RPS6KA5: variants seen among roughly 807,000 people sequenced by gnomAD.
RPS6KA5 encodes ribosomal protein S6 kinase alpha-5.
A neutral mutation model predicts 85.5 loss-of-function variants in RPS6KA5; 27 were observed. The ratio of observed to expected loss-of-function variants is 0.32; its 90% CI spans 0.23 to 0.44. The LOEUF is 0.44. Ranked by LOEUF, RPS6KA5 falls within the 20% of genes least tolerant of loss-of-function variation. The pLI is 1.00. For synonymous variants in RPS6KA5, 334 were observed against 348.2 expected (o/e 0.96, Z 0.46); for missense variants, 811 against 980.9 (o/e 0.83, Z 2.31).
At chr14:90,949,986 TG>T (rs1237943496) in intron 3 of RPS6KA5, among the ~76,000 whole-genome samples, 1 of 152,212 alleles carries the variant, frequency 6.6e-6, no homozygotes, top group African/African-American at 2.4e-5. Flanking sequence ...TTGTATACTT[TG>T]TAAGTTGTAC....
chr14:91,004,900 G>A (rs962113102), intron 1 of RPS6KA5, among the ~76,000 whole-genome samples: 4 of 151,942 alleles, frequency 2.6e-5, no homozygotes, highest in South Asian at 2.1e-4. Flanking sequence ...CCCGGGAGGC[G>A]GAGCTTGCAG....
intron 1 of RPS6KA5, among the ~76,000 whole-genome samples, chr14:91,043,168 C>T (rs752207476): frequency 1.3e-5 from 2 of 152,146 alleles, no homozygotes; most frequent in African/African-American, 4.8e-5. Flanking sequence ...AGGTTTTCTC[C>T]TGGTTTTTCT....
chr14:90,994,215 T>C (rs1191695147), intron 2 of RPS6KA5, among the ~76,000 whole-genome samples: 1 of 152,110 alleles, frequency 6.6e-6, no homozygotes, highest in East Asian at 1.9e-4. Flanking sequence ...TGCTATCTCT[T>C]TTTTCTCCAT....
In RPS6KA5 at chr14:90,872,073, C is replaced by A; in HGVS notation, c.*1G>T. 6.2e-7 allele frequency: 1 copy of A among 1,610,986 alleles called. No homozygotes were observed. Among genetic ancestry groups the A allele is most frequent in the Non-Finnish European group, 8.5e-7 (1 of 1,178,650 alleles). On this transcript the variant is annotated 3_prime_UTR_variant, in exon 17 of 17. Coordinates refer to ENST00000614987, the MANE Select transcript of RPS6KA5 (RefSeq NM_004755.4). ...GGATCACTGATACACTCCTACCATG[C>A]CTAAGCTACTGAGTCCGAGAACTGG...
intron 5 of RPS6KA5, among the ~76,000 whole-genome samples, chr14:90,938,346 T>C (rs2037390024): frequency 6.6e-6 from 1 of 152,150 alleles, no homozygotes; most frequent in Non-Finnish European, 1.5e-5. Context: ...CAGACTGGTG[T>C]TGAGTGTCTG....
chr14:90,854,168 A>C lies in RPS6KA5; in HGVS notation c.*17906T>G, dbSNP rs1399638964. 8.0e-6 allele frequency: 1 copy of C among 125,156 alleles called. No individual in the cohort carries two copies. The highest frequency in any genetic ancestry group is 4.9e-5 in the African/African-American group (1 of 20,450). The allele number at this position is 125,156 out of a possible 1,614,324, so 7.8% of individuals were successfully genotyped here. ...CTATTGATGCAAACTAATTTTAAGT[A>C]ATTATAGTGCAAGGAGCCTGATGTA... On this transcript the variant is annotated 3_prime_UTR_variant, in exon 17 of 17. Coordinates refer to ENST00000614987, the MANE Select transcript of RPS6KA5 (RefSeq NM_004755.4).
In RPS6KA5 at chr14:90,862,610, G is replaced by A. The variant is rs1355828019; in HGVS notation, c.*9464C>T. On this transcript the variant is annotated 3_prime_UTR_variant, in exon 17 of 17. Coordinates refer to ENST00000614987, the MANE Select transcript of RPS6KA5 (RefSeq NM_004755.4). ...AGCCTCCCAGGTATTTGGTACTACA[G>A]GTGTGCACCACCATCCTTGGCTAAT... The A allele has an allele frequency of 6.6e-6, 1 of 152,120 alleles. No individual in the cohort carries two copies. Among genetic ancestry groups the A allele is most frequent in the African/African-American group, 2.4e-5 (1 of 41,384 alleles). The allele number at this position is 152,120 out of a possible 1,614,324, so 9.4% of individuals were successfully genotyped here.
At position 90,915,474 on chromosome 14, in the gene RPS6KA5, G is replaced by A. The variant is rs149533500; in HGVS notation, c.806+4732C>T. 6.7e-4 allele frequency among the ~76,000 whole-genome samples: 102 copies of A among 152,250 alleles called. No individual in the cohort carries two copies. In the East Asian group the frequency reaches 0.013, roughly 19 times the overall value. On this transcript the variant is annotated intron_variant, in intron 7 of 16. Coordinates refer to ENST00000614987, the MANE Select transcript of RPS6KA5 (RefSeq NM_004755.4). ...GCCCACATTGCAAGGAACTGAGAGTGGCCATTGGCGTAAAAGATGTTCTAT... is the reference window on the plus strand; with the variant it reads ...GCCCACATTGCAAGGAACTGAGAGTAGCCATTGGCGTAAAAGATGTTCTAT...
chr14:90,940,909 G>A (rs146612426), intron 5 of RPS6KA5, among the ~76,000 whole-genome samples: 34 of 152,304 alleles, frequency 2.2e-4, no homozygotes, highest in African/African-American at 7.7e-4. Context: ...AATGTAATGT[G>A]CTTGAATCAT....
chr14:91,044,612 G>A (rs1037750450), intron 1 of RPS6KA5, among the ~76,000 whole-genome samples: 6 of 152,036 alleles, frequency 3.9e-5, no homozygotes, highest in Admixed American at 2.0e-4. Flanking sequence ...GGTGGCTCAC[G>A]CCTGTAATTC....
intron 1 of RPS6KA5, among the ~76,000 whole-genome samples, chr14:91,027,271 G>A (rs2042021271): frequency 6.6e-6 from 1 of 152,242 alleles, no homozygotes; most frequent in African/African-American, 2.4e-5. Flanking sequence ...TCCATCTTGA[G>A]TTAACTTTTA....
chr14:90,900,854 G>T, intron 9 of RPS6KA5, 118 bp from the exon 10 acceptor site: 1 of 781,148 alleles, frequency 1.3e-6, no homozygotes, highest in Non-Finnish European at 1.9e-6. Context: ...GTTGAGATGA[G>T]TCTAATTTTA....
chr14:90,906,832 G>C (rs1472097687), intron 7 of RPS6KA5, among the ~76,000 whole-genome samples: 1 of 152,030 alleles, frequency 6.6e-6, no homozygotes, highest in East Asian at 1.9e-4. Flanking sequence ...ACTTGGAGAT[G>C]GTTCAACCCT....
Position 90,902,790 on chromosome 14 carries a change from CA to C in RPS6KA5, c.1119+17del, listed in dbSNP as rs753631145. The C allele has an allele frequency of 9.3e-6, 15 of 1,611,494 alleles. No homozygotes were observed. In the East Asian group the frequency reaches 3.3e-4, roughly 36 times the overall value. On this transcript the variant is annotated intron_variant, in intron 9 of 16. Coordinates refer to ENST00000614987, the MANE Select transcript of RPS6KA5 (RefSeq NM_004755.4). ...AGGACATATGGCCAATGTGCATGTG[CA>C]CAGGATGGGAAATTACCTGAAACAG...
At chr14:90,975,515 G>A (rs112000461) in intron 3 of RPS6KA5, among the ~76,000 whole-genome samples, 2,270 of 152,290 alleles carry the variant, frequency 0.015, 53 homozygotes, top group African/African-American at 0.052. Context: ...GCACACATGC[G>A]TAGGGGGACA....
intron 1 of RPS6KA5, among the ~76,000 whole-genome samples, chr14:91,010,383 A>AT (rs1245680823): frequency 6.6e-6 from 1 of 152,172 alleles, no homozygotes; most frequent in African/African-American, 2.4e-5. Flanking sequence ...GAGCTAGAAA[A>AT]TTCTTCCCAG....
At chr14:91,012,796 A>C (rs1423140796) in intron 1 of RPS6KA5, among the ~76,000 whole-genome samples, 1 of 152,216 alleles carries the variant, frequency 6.6e-6, no homozygotes, top group Non-Finnish European at 1.5e-5. Context: ...GCTAGGCAAA[A>C]GAGTGGTACA....
At chr14:90,932,542 T>C (rs925131036) in intron 5 of RPS6KA5, among the ~76,000 whole-genome samples, 3 of 152,286 alleles carry the variant, frequency 2.0e-5, no homozygotes, top group Admixed American at 1.3e-4. Flanking sequence ...GTTGGTTATT[T>C]TATATCATCT....
intron 14 of RPS6KA5, among the ~76,000 whole-genome samples, chr14:90,885,093 A>G (rs984978446): frequency 3.9e-5 from 6 of 151,910 alleles, no homozygotes; most frequent in African/African-American, 1.2e-4. Context: ...CCTCTACAAA[A>G]AATACAAAAA....
Sources: allele counts gnomAD v4.1 joint callset (sites outside exome capture counted in the v4.1 genomes callset), GRCh38; gene constraint gnomAD v4.1.1; transcripts MANE v1.5; gene names NCBI Gene and HGNC (gene_info 2026-07-23, HGNC 2026-07-21).